The following OSBP2 variants were observed in gnomAD, a reference collection of about 807,000 sequenced individuals.
OSBP2 encodes oxysterol binding protein 2.
OSBP2 carries 66 observed loss-of-function variants against 96.0 expected under a neutral mutation model. That is an observed-to-expected ratio of 0.69 (90% CI 0.56 to 0.84). The LOEUF (loss-of-function observed/expected upper bound fraction) is 0.84. Among genes scored for constraint, OSBP2 ranks in the 40% least tolerant of loss-of-function variants. OSBP2 has a pLI of 0.00. For synonymous variants in OSBP2, 525 were observed against 520.9 expected, an observed-to-expected ratio of 1.01 and a Z score of -0.11; for missense variants, 1,038 against 1,222.7, an observed-to-expected ratio of 0.85 and a Z score of 2.25.
At chr22:30,750,807 C>T (rs149102783) in intron 2 of OSBP2, among the ~76,000 whole-genome samples, 4 of 152,254 alleles carry the variant, frequency 2.6e-5, no homozygotes, top group African/African-American at 9.6e-5. Context: ...TGCAGTGGCA[C>T]GATCTCAGCT....
chr22:30,694,694 G>A, upstream of OSBP2: 1 of 235,092 alleles, frequency 4.3e-6, no homozygotes, highest in Non-Finnish European at 7.5e-6. Context: ...TCCACCGGCC[G>A]GACCTAGGAA....
At chr22:30,716,394 G>A (rs1465943393) in intron 1 of OSBP2, among the ~76,000 whole-genome samples, 3 of 151,902 alleles carry the variant, frequency 2.0e-5, no homozygotes, top group Non-Finnish European at 4.4e-5. Context: ...TTAGAGAAAT[G>A]TCTGTTCAAA....
chr22:30,730,962 C>G (rs2089769537), intron 1 of OSBP2, among the ~76,000 whole-genome samples: 2 of 150,142 alleles, frequency 1.3e-5, no homozygotes, highest in South Asian at 4.2e-4. Flanking sequence ...ATCACGAGGT[C>G]AGGAGATCGA....
At chr22:30,820,870 T>C (rs564926213) in intron 2 of OSBP2, among the ~76,000 whole-genome samples, 3 of 152,064 alleles carry the variant, frequency 2.0e-5, no homozygotes, top group Non-Finnish European at 4.4e-5. Context: ...ATTCTCCAGG[T>C]GAAAGAAGTA....
At chr22:30,892,767 A>G (rs2039976763) in intron 8 of OSBP2, among the ~76,000 whole-genome samples, 1 of 152,050 alleles carries the variant, frequency 6.6e-6, no homozygotes, top group African/African-American at 2.4e-5. Context: ...TGTGGGGAGG[A>G]TTAGATGAGA....
At chr22:30,744,183 G>A (rs2089972459) in intron 2 of OSBP2, among the ~76,000 whole-genome samples, 1 of 152,138 alleles carries the variant, frequency 6.6e-6, no homozygotes, top group African/African-American at 2.4e-5. Flanking sequence ...CCTTTTGATG[G>A]CCTTCTGTTA....
chr22:30,816,830 A>C (rs573629073), intron 2 of OSBP2, among the ~76,000 whole-genome samples: 1 of 152,098 alleles, frequency 6.6e-6, no homozygotes, highest in Admixed American at 6.5e-5. Context: ...TCTGCCTCCC[A>C]GTTCAAGCAA....
In OSBP2 at chr22:30,899,387, A is replaced by C. The variant is rs2040143584; in HGVS notation, c.2375+5386A>C. The stretch of plus-strand genomic sequence containing the variant: ...CTACTGCATACCAGCCTGGGTGACA[A>C]AGCAGACCCTATCTCAAAAAAAAAA... On this transcript the variant is annotated intron_variant, in intron 12 of 13. Coordinates refer to ENST00000332585, the MANE Select transcript of OSBP2 (RefSeq NM_030758.4). Among the ~76,000 whole-genome samples the C allele has an allele frequency of 2.0e-5, 3 of 150,370 alleles. No individual in the cohort carries two copies. In the South Asian group the frequency reaches 6.4e-4, roughly 32 times the overall value.
rs377059944 is a variant in OSBP2 at position 30,872,574 on chromosome 22, G to A, written c.1107+1892G>A. On this transcript the variant is annotated intron_variant, in intron 3 of 13. Coordinates refer to ENST00000332585, the MANE Select transcript of OSBP2 (RefSeq NM_030758.4). ...ATTCCTTTCTGCAGCTCCAGCATCCGGGGAACATGGCGGCAGAGTCAGCCC... is the reference window on the plus strand; with the variant it reads ...ATTCCTTTCTGCAGCTCCAGCATCCAGGGAACATGGCGGCAGAGTCAGCCC... 2.7e-4 allele frequency: 97 copies of A among 359,874 alleles called. 3 individuals carry two copies. Among genetic ancestry groups the A allele is most frequent in the South Asian group, 1.7e-3 (81 of 47,984 alleles). The allele number at this position is 359,874 out of a possible 1,614,324, so 22.3% of individuals were successfully genotyped here.
rs369396566 is a variant in OSBP2 at position 30,887,495 on chromosome 22, C to A, written c.1177C>A (p.Gln393Lys). ...RKWQRALQYE[Q>K]EQRVHLEETI... ...ATGGCAGCGGGCACTGCAGTATGAG[C>A]AGGAGCAGCGCGTGCACTTGGAGGA... Residue 393 changes from glutamine (Q) to lysine (K), a missense_variant, in exon 4 of 14, where the codon CAG becomes AAG. Coordinates refer to ENST00000332585, the MANE Select transcript of OSBP2 (RefSeq NM_030758.4). 13 of 1,613,792 alleles carry A rather than the reference C, an allele frequency of 8.1e-6. No homozygotes were observed. The highest frequency in any genetic ancestry group is 1.6e-4 in the Middle Eastern group (1 of 6,062).
chr22:30,878,933 T>C (rs1156686736), intron 3 of OSBP2, among the ~76,000 whole-genome samples: 3 of 151,694 alleles, frequency 2.0e-5, no homozygotes, highest in Admixed American at 6.6e-5. Flanking sequence ...GTAGGAGACA[T>C]TGGGGGCACC....
chr22:30,707,609 C>T (rs905877860), intron 1 of OSBP2, among the ~76,000 whole-genome samples: 7 of 149,878 alleles, frequency 4.7e-5, no homozygotes, highest in African/African-American at 7.4e-5. Flanking sequence ...CCCAGCTACT[C>T]GGGAGGCTGA....
chr22:30,719,404 A>G (rs2089511273), intron 1 of OSBP2, among the ~76,000 whole-genome samples: 2 of 151,996 alleles, frequency 1.3e-5, no homozygotes, highest in African/African-American at 2.4e-5. Flanking sequence ...TAGATTTTCC[A>G]GGGCCCTGGA....
chr22:30,698,707 G>A (rs896835868), intron 1 of OSBP2, among the ~76,000 whole-genome samples: 8 of 151,902 alleles, frequency 5.3e-5, no homozygotes, highest in Non-Finnish European at 8.8e-5. Flanking sequence ...CAAAGTGCTG[G>A]GATTACAGGC....
Position 30,881,656 on chromosome 22 carries a change from A to AAGCACAC in OSBP2, c.1108-5759_1108-5753dup. On this transcript the variant is annotated intron_variant, in intron 3 of 13. Transcript: ENST00000332585. The surrounding 1 kb of genome is among the most constrained non-coding windows in gnomAD (Gnocchi z 4.5). ...GGCCCCAAGCCTAATCCAGCTTATC[A>AAGCACAC]AGCACACAGCACACAGCCCAGCTCA... 1.5e-6 allele frequency: 2 copies of AAGCACAC among 1,303,226 alleles called. No homozygotes were observed. The highest frequency in any genetic ancestry group is 2.0e-6 in the Non-Finnish European group (2 of 988,260). 80.7% of individuals were successfully genotyped at this position (1,303,226 alleles called of 1,614,324 possible).
chr22:30,853,477 T>G (rs531794730), intron 2 of OSBP2, among the ~76,000 whole-genome samples: 1 of 152,254 alleles, frequency 6.6e-6, no homozygotes, highest in Non-Finnish European at 1.5e-5. Flanking sequence ...ATCATTATAT[T>G]TAAAGTGTAT....
intron 1 of OSBP2, among the ~76,000 whole-genome samples, chr22:30,704,184 G>A (rs766764106): frequency 2.7e-4 from 41 of 152,242 alleles, no homozygotes; most frequent in Non-Finnish European, 4.7e-4. Context: ...ATATATTAAT[G>A]GCAAAAACTG....
Position 30,878,154 on chromosome 22 carries a change from G to A in OSBP2, c.1107+7472G>A, listed in dbSNP as rs2039623625. On this transcript the variant is annotated intron_variant, in intron 3 of 13. Transcript: ENST00000332585. ...GGCCAGTCACAAGGGACCTTGTGCT[G>A]ACAGTGTTCTGCTTCCACTTGAAAT... Among the ~76,000 whole-genome samples, 4 of 152,250 alleles carry A rather than the reference G, an allele frequency of 2.6e-5. No individual in the cohort carries two copies. In the South Asian group the frequency reaches 8.3e-4, roughly 31 times the overall value.
chr22:30,857,397 G>T (rs1016260377), intron 2 of OSBP2, among the ~76,000 whole-genome samples: 1 of 152,228 alleles, frequency 6.6e-6, no homozygotes, highest in Non-Finnish European at 1.5e-5. Context: ...CTGGTGGACA[G>T]ATGGACGCTT....
Sources: gnomAD v4.1 joint callset for allele counts (sites outside exome capture counted in the v4.1 genomes callset) on GRCh38, gnomAD v4.1.1 for gene constraint, Gnocchi (gnomAD v3.1) non-coding constraint, MANE v1.5 for transcripts, NCBI Gene and HGNC (gene_info 2026-07-23, HGNC 2026-07-21) for gene names.